MAP3K15: variants seen among roughly 807,000 people sequenced by gnomAD.
MAP3K15 encodes the protein MAPK/ERK kinase kinase 15.
Under a neutral mutation model 99.5 loss-of-function variants are expected in MAP3K15, and 124 were observed. That is an observed-to-expected ratio of 1.25 (90% confidence interval 1.08 to 1.45). The LOEUF (loss-of-function observed/expected upper bound fraction) is 1.45, where lower values mean the gene tolerates loss of function less well. Ranked by LOEUF, MAP3K15 falls within the 40% of genes most tolerant of loss-of-function variation. The pLI, the probability that MAP3K15 is intolerant of heterozygous loss-of-function variation, is 0.00. For synonymous variants in MAP3K15, 494 were observed against 439.6 expected (o/e 1.12, Z -1.55); for missense variants, 1,242 against 1,079.7 (o/e 1.15, Z -2.11).
intron 9 of MAP3K15, among the ~76,000 whole-genome samples, chrX:19,418,913 C>A (rs1172335017): frequency 1.8e-5 from 2 of 111,638 alleles, no homozygotes; most frequent in African/African-American, 6.5e-5. Context: ...AATTTTCAAC[C>A]CAGAATTTCA....
chrX:19,422,922 A>C (rs1287727820), intron 9 of MAP3K15, among the ~76,000 whole-genome samples: 4 of 109,589 alleles, frequency 3.6e-5, no homozygotes, highest in African/African-American at 1.3e-4. Flanking sequence ...GCAAACTATC[A>C]CAAGGACAAA....
chrX:19,476,268 G>T (rs1398730152), intron 3 of MAP3K15, among the ~76,000 whole-genome samples: 1 of 112,131 alleles, frequency 8.9e-6, no homozygotes, highest in African/African-American at 3.2e-5. Context: ...ACTTTCAGAA[G>T]AATGCACATC....
chrX:19,400,466 G>C (rs2063599342), intron 14 of MAP3K15, 110 bp downstream of exon 14: 4 of 491,015 alleles, frequency 8.1e-6, no homozygotes, highest in Non-Finnish European at 1.4e-5. Context: ...ATGGCTGGCA[G>C]GTTCATAAAA....
intron 1 of MAP3K15, among the ~76,000 whole-genome samples, chrX:19,498,317 G>C (rs1318523678): frequency 1.8e-5 from 2 of 111,172 alleles, no homozygotes; most frequent in East Asian, 2.8e-4. Context: ...TGGTGCAGGT[G>C]GGGGAGGGTG....
intron 9 of MAP3K15, among the ~76,000 whole-genome samples, chrX:19,417,671 G>A (rs777736384): frequency 2.1e-3 from 236 of 111,871 alleles, no homozygotes; most frequent in Non-Finnish European, 3.6e-3. Flanking sequence ...AAATGTCCCG[G>A]TCTGACAGCT....
chrX:19,479,250 T>C lies in MAP3K15; in HGVS notation c.525+7232A>G, dbSNP rs184977148. On this transcript the variant is annotated intron_variant, in intron 3 of 28. Coordinates refer to ENST00000338883, the MANE Select transcript of MAP3K15 (RefSeq NM_001001671.4). ...CCCTTACTGTTAGTCCCTTCTGAACTGTGTCAGTTCCAGAGAGTATCTCAT... is the reference window on the plus strand; with the variant it reads ...CCCTTACTGTTAGTCCCTTCTGAACCGTGTCAGTTCCAGAGAGTATCTCAT... 4.6e-3 allele frequency among the ~76,000 whole-genome samples: 516 copies of C among 111,716 alleles called. 3 individuals carry two copies. The highest frequency in any genetic ancestry group is 0.016 in the African/African-American group (497 of 30,727).
chrX:19,362,654 CAG>C, intron 26 of MAP3K15, 82 bp downstream of exon 26: 1 of 583,850 alleles, frequency 1.7e-6, no homozygotes, highest in South Asian at 2.7e-5. Context: ...CCTGGATTAA[CAG>C]AAGATAACCT....
intron 1 of MAP3K15, among the ~76,000 whole-genome samples, chrX:19,494,878 T>TAAAA (rs760808925): frequency 1.1e-5 from 1 of 92,464 alleles, no homozygotes; most frequent in Non-Finnish European, 2.2e-5. Context: ...AAGCTACCTT[T>TAAAA]AAAAAAAAAA....
intron 19 of MAP3K15, among the ~76,000 whole-genome samples, chrX:19,376,425 ATG>A (rs2063417892): frequency 9.2e-6 from 1 of 108,387 alleles, no homozygotes; most frequent in Admixed American, 1.0e-4. Context: ...TCTTCTGAGC[ATG>A]TGTGTCCAAA....
At chrX:19,397,742 G>A (rs1399163286) in intron 15 of MAP3K15, among the ~76,000 whole-genome samples, 1 of 112,085 alleles carries the variant, frequency 8.9e-6, no homozygotes, top group Non-Finnish European at 1.9e-5. Context: ...CCTCTGAAGT[G>A]TAGTTCTTCC....
chrX:19,373,701 G>C lies in MAP3K15; in HGVS notation c.2774-6C>G. 4 of 1,196,849 alleles carry C rather than the reference G, an allele frequency of 3.3e-6. No individual in the cohort carries two copies. Among genetic ancestry groups the C allele is most frequent in the Non-Finnish European group, 3.4e-6 (3 of 893,465 alleles). ...GACGACACCGCGGGGACCTTCTGTA[G>C]GGGGACAGCCAGACACCGAATGGGG... On this transcript the variant is annotated splice_region_variant and splice_polypyrimidine_tract_variant and intron_variant, in intron 20 of 28. Coordinates refer to ENST00000338883, the MANE Select transcript of MAP3K15 (RefSeq NM_001001671.4).
At chrX:19,411,128 G>A (rs1480356720) in intron 11 of MAP3K15, among the ~76,000 whole-genome samples, 2 of 109,003 alleles carry the variant, frequency 1.8e-5, no homozygotes, top group African/African-American at 6.7e-5. Context: ...AGGTTCCAGT[G>A]AGCCAAAATC....
At chrX:19,477,200 A>G (rs941824390) in intron 3 of MAP3K15, among the ~76,000 whole-genome samples, 7 of 111,203 alleles carry the variant, frequency 6.3e-5, no homozygotes, top group Admixed American at 5.7e-4. Context: ...TGGTTCTGAC[A>G]TTGGCCCTGT....
rs2064554682 is a variant in MAP3K15, at chrX:19,515,240, C to G, written c.22G>C (p.Ala8Pro). MESGGGN[A>P]PAGALGAASE... is the part of the protein sequence containing the mutation. ...GCCGCCCCGAGGGCCCCGGCCGGAG[C>G]ATTCCCACCGCCGCTCTCCATGTGC... The change falls in exon 1 of 29, where the codon GCT (alanine) becomes CCT (proline). Residue 8 changes from alanine to proline, a missense_variant. Physicochemically the swap from Ala to Pro is conservative, Grantham distance 27. Transcript: ENST00000338883. 1 of 891,727 alleles carries G rather than the reference C, an allele frequency of 1.1e-6. No homozygotes were observed. The highest frequency in any genetic ancestry group is 1.4e-6 in the Non-Finnish European group (1 of 726,229). The allele number at this position is 891,727 out of a possible 1,213,427, so 73.5% of individuals were successfully genotyped here.
At chrX:19,380,620 G>A (rs2063452590) in intron 18 of MAP3K15, among the ~76,000 whole-genome samples, 1 of 111,485 alleles carries the variant, frequency 9.0e-6, no homozygotes, top group African/African-American at 3.3e-5. Flanking sequence ...CCGCCTCCCG[G>A]GTTCAAGCGA....
At chrX:19,494,582 T>C (rs1602351016) in intron 1 of MAP3K15, among the ~76,000 whole-genome samples, 1 of 111,323 alleles carries the variant, frequency 9.0e-6, no homozygotes, top group Non-Finnish European at 1.9e-5. Context: ...TCTAGTGTGG[T>C]TTAAAAGTAT....
chrX:19,418,507 G>A (rs112064436), intron 9 of MAP3K15, among the ~76,000 whole-genome samples: 1 of 111,094 alleles, frequency 9.0e-6, no homozygotes, highest in Non-Finnish European at 1.9e-5. Context: ...AAAAATAAAC[G>A]AACAAAGCCA....
rs982518009 is a variant in MAP3K15, at chrX:19,488,837, G to A, written c.492C>T (p.Leu164=). Residue 164 remains leucine, a synonymous_variant, in exon 2 of 29, where the codon CTC becomes CTT. Coordinates refer to ENST00000338883, the MANE Select transcript of MAP3K15 (RefSeq NM_001001671.4). The part of the protein sequence containing the change: ...LYHDTDADTA[L]SLKDMVTQKN... ...GGTGAATACACTGTACCTTCAAAGA[G>A]AGAGCAGTGTCGGCATCGGTGTCAT... is the stretch of plus-strand genomic sequence containing the variant. 1.7e-6 allele frequency: 2 copies of A among 1,198,930 alleles called. No homozygotes were observed. The highest frequency in any genetic ancestry group is 2.2e-6 in the Non-Finnish European group (2 of 894,183).
At chrX:19,500,273 A>T (rs960661455) in intron 1 of MAP3K15, among the ~76,000 whole-genome samples, 1 of 111,750 alleles carries the variant, frequency 8.9e-6, no homozygotes, top group Non-Finnish European at 1.9e-5. Flanking sequence ...TAATGAAATA[A>T]AAAGAATAAT....
Sources: gnomAD v4.1 joint callset for allele counts (sites outside exome capture counted in the v4.1 genomes callset) on GRCh38, gnomAD v4.1.1 for gene constraint, MANE v1.5 for transcripts, NCBI Gene and HGNC (gene_info 2026-07-23, HGNC 2026-07-21) for gene names.